The following USP12 variants were observed in gnomAD, a reference collection of about 807,000 sequenced individuals.
USP12 encodes ubiquitin specific peptidase 12.
Under a neutral mutation model 45.5 loss-of-function variants are expected in USP12, and 19 were observed. The observed-to-expected ratio is 0.42, with a 90% confidence interval of 0.29 to 0.61. The LOEUF (loss-of-function observed/expected upper bound fraction) is 0.61, where lower values mean the gene tolerates loss of function less well. Among genes scored for constraint, USP12 ranks in the 20% least tolerant of loss-of-function variants. The pLI is 0.22. For synonymous variants in USP12, 149 were observed against 148.8 expected (o/e 1.00, Z -0.01); for missense variants, 242 against 447.7 (o/e 0.54, Z 4.15).
intron 1 of USP12, among the ~76,000 whole-genome samples, chr13:27,131,486 G>A (rs774475341): frequency 2.0e-5 from 3 of 152,208 alleles, no homozygotes; most frequent in Non-Finnish European, 2.9e-5. Flanking sequence ...ATTTTTCTAA[G>A]TAATCATTTT....
At chr13:27,083,697 G>A (rs1275648933) in intron 6 of USP12, among the ~76,000 whole-genome samples, 1 of 152,072 alleles carries the variant, frequency 6.6e-6, no homozygotes, top group South Asian at 2.1e-4. Flanking sequence ...GAAAAAGCTG[G>A]ATAAAGTTTC....
chr13:27,158,855 G>C (rs1305684152), intron 1 of USP12, among the ~76,000 whole-genome samples: 2 of 152,252 alleles, frequency 1.3e-5, no homozygotes, highest in South Asian at 2.1e-4. Flanking sequence ...CAAGAGTTTT[G>C]ACATGGAATG....
At chr13:27,117,387 C>T (rs983037865) in intron 1 of USP12, among the ~76,000 whole-genome samples, 2 of 152,004 alleles carry the variant, frequency 1.3e-5, no homozygotes, top group Admixed American at 1.3e-4. Context: ...ACCTGAAATT[C>T]TTACACAGAA....
At chr13:27,107,530 A>G (rs186066548) in intron 2 of USP12, among the ~76,000 whole-genome samples, 6 of 137,850 alleles carry the variant, frequency 4.4e-5, no homozygotes, top group Admixed American at 2.2e-4. Flanking sequence ...ACATAAACTT[A>G]TAACTCTGAA....
At chr13:27,080,592 G>A (rs567544260) in intron 6 of USP12, among the ~76,000 whole-genome samples, 101 of 152,280 alleles carry the variant, frequency 6.6e-4, no homozygotes, top group South Asian at 1.2e-3. Context: ...CTTGAGAGAG[G>A]AAAGATGAGA....
At chr13:27,156,302 G>A (rs952494787) in intron 1 of USP12, among the ~76,000 whole-genome samples, 1 of 151,772 alleles carries the variant, frequency 6.6e-6, no homozygotes, top group Non-Finnish European at 1.5e-5. Context: ...GGAAGAACAT[G>A]TTAAACATCA....
chr13:27,152,219 T>C (rs1877599944), intron 1 of USP12, among the ~76,000 whole-genome samples: 1 of 152,152 alleles, frequency 6.6e-6, no homozygotes, highest in Admixed American at 6.5e-5. Context: ...ACCCATAAGG[T>C]AGAAATGGCC....
Position 27,071,146 on chromosome 13 carries a change from A to C in USP12, c.936T>G (p.Gly312=). The C allele has an allele frequency of 6.3e-7, 1 of 1,593,444 alleles. No individual in the cohort carries two copies. Among genetic ancestry groups the C allele is most frequent in the Non-Finnish European group, 8.5e-7 (1 of 1,173,660 alleles). ...TTGCAATATAATGGCCTCGATTGGGACCACTAAAACAAACGAAGAAGAAGT... is the reference window on the plus strand; with the variant it reads ...TTGCAATATAATGGCCTCGATTGGGCCCACTAAAACAAACGAAGAAGAAGT... ...LVAVVVHCGS[G]PNRGHYIAIV... is the part of the protein sequence containing the mutation. Residue 312 remains glycine, a synonymous_variant, in exon 8 of 9, where the codon GGT becomes GGG. Coordinates refer to ENST00000282344, the MANE Select transcript of USP12 (RefSeq NM_182488.4).
At chr13:27,098,400 T>C (rs1043588872) in intron 3 of USP12, among the ~76,000 whole-genome samples, 1 of 149,662 alleles carries the variant, frequency 6.7e-6, no homozygotes, top group Non-Finnish European at 1.5e-5. Flanking sequence ...AGAAAAAAAA[T>C]TTTAAAAACT....
rs1031909774 is a variant in USP12 at position 27,069,784 on chromosome 13, T to C, written c.1012-400A>G. ...CCAACGTGGAGAAACCCCATCTCTA[T>C]TAAAAATACAAAATTAGCTAGGCGT... is the stretch of plus-strand genomic sequence containing the variant. On this transcript the variant is annotated intron_variant, in intron 8 of 8. Transcript: ENST00000282344. 2.6e-5 allele frequency among the ~76,000 whole-genome samples: 4 copies of C among 152,050 alleles called. No homozygotes were observed. The South Asian group carries it at 6.2e-4, about 24-fold the overall frequency.
intron 1 of USP12, among the ~76,000 whole-genome samples, chr13:27,163,403 A>C (rs557139793): frequency 4.6e-5 from 7 of 152,280 alleles, no homozygotes; most frequent in Non-Finnish European, 8.8e-5. Context: ...TGTCCACATA[A>C]TAAAGGCCAT....
chr13:27,153,210 G>GT (rs1877663273), intron 1 of USP12, among the ~76,000 whole-genome samples: 1 of 151,894 alleles, frequency 6.6e-6, no homozygotes, highest in Non-Finnish European at 1.5e-5. Flanking sequence ...GCAGGCACCT[G>GT]TAATACCAGC....
At chr13:27,106,419 G>A (rs1481682439) in intron 2 of USP12, among the ~76,000 whole-genome samples, 1 of 151,032 alleles carries the variant, frequency 6.6e-6, no homozygotes, top group Non-Finnish European at 1.5e-5. Flanking sequence ...GGGCGGGCGG[G>A]GAAATAAACC....
At chr13:27,075,764 T>G (rs1873450496) in intron 6 of USP12, among the ~76,000 whole-genome samples, 2 of 151,972 alleles carry the variant, frequency 1.3e-5, no homozygotes, top group South Asian at 4.2e-4. Flanking sequence ...GCGCGGTGGC[T>G]CACGCCTGTA....
chr13:27,152,232 A>G (rs1400758060), intron 1 of USP12, among the ~76,000 whole-genome samples: 1 of 152,236 alleles, frequency 6.6e-6, no homozygotes, highest in Non-Finnish European at 1.5e-5. Flanking sequence ...AAATGGCCCA[A>G]ATGTCCATCA....
At chr13:27,109,583 G>A (rs933832028) in intron 2 of USP12, among the ~76,000 whole-genome samples, 1 of 152,088 alleles carries the variant, frequency 6.6e-6, no homozygotes, top group Non-Finnish European at 1.5e-5. Context: ...AAATGTAAAT[G>A]CTGGAGTTTA....
intron 1 of USP12, among the ~76,000 whole-genome samples, chr13:27,152,612 G>A (rs1177754389): frequency 6.6e-6 from 1 of 152,158 alleles, no homozygotes; most frequent in Non-Finnish European, 1.5e-5. Context: ...TGAATTGCAT[G>A]GTATGTGAAT....
At chr13:27,074,371 G>A (rs1036980719) in intron 7 of USP12, among the ~76,000 whole-genome samples, 1 of 151,902 alleles carries the variant, frequency 6.6e-6, no homozygotes, top group East Asian at 1.9e-4. Flanking sequence ...CTGCACTCCA[G>A]CCTGGGCCAC....
At chr13:27,074,858 T>C (rs572165972) in intron 7 of USP12, among the ~76,000 whole-genome samples, 1 of 152,264 alleles carries the variant, frequency 6.6e-6, no homozygotes, top group East Asian at 1.9e-4. Flanking sequence ...ACATACGCAA[T>C]TAAACTCAGA....
Sources: gnomAD v4.1 joint callset for allele counts (sites outside exome capture counted in the v4.1 genomes callset) on GRCh38, gnomAD v4.1.1 for gene constraint, MANE v1.5 for transcripts, NCBI Gene and HGNC (gene_info 2026-07-23, HGNC 2026-07-21) for gene names.